The following YLPM1 variants were observed in gnomAD, a reference collection of about 807,000 sequenced individuals.
The protein encoded by YLPM1 is YLP motif-containing protein 1.
A neutral mutation model predicts 230.0 loss-of-function variants in YLPM1; 99 were observed. The ratio of observed to expected loss-of-function variants is 0.43; its 90% CI spans 0.37 to 0.51. The LOEUF is 0.51. Ranked by LOEUF, YLPM1 falls within the 20% of genes least tolerant of loss-of-function variation. The pLI, the probability that YLPM1 is intolerant of heterozygous loss-of-function variation, is 0.00. For synonymous variants in YLPM1, 984 were observed against 942.5 expected, an observed-to-expected ratio of 1.04 and a Z score of -0.81; for missense variants, 2,592 against 2,707.7, an observed-to-expected ratio of 0.96 and a Z score of 0.95.
chr14:74,784,672 G>A (rs1253431899), intron 4 of YLPM1, among the ~76,000 whole-genome samples: 1 of 152,198 alleles, frequency 6.6e-6, no homozygotes, highest in Non-Finnish European at 1.5e-5. Flanking sequence ...ACCTAAATGT[G>A]ATTCTTTAAC....
chr14:74,829,351 A>G lies in YLPM1; in HGVS notation c.6294+8A>G. On this transcript the variant is annotated splice_region_variant and intron_variant, in intron 19 of 20. Coordinates refer to ENST00000325680, the MANE Select transcript of YLPM1 (RefSeq NM_019589.3). ...GAGCCTGGGAAGAAGAGGGTAAGAGACTTTGTCAATAACTGCCAACAAATG... is the reference window on the plus strand; with the variant it reads ...GAGCCTGGGAAGAAGAGGGTAAGAGGCTTTGTCAATAACTGCCAACAAATG... 1 of 1,612,392 alleles carries G rather than the reference A, an allele frequency of 6.2e-7. No homozygotes were observed. Among genetic ancestry groups the G allele is most frequent in the Non-Finnish European group, 8.5e-7 (1 of 1,178,832 alleles).
In YLPM1 at chr14:74,774,345, G is replaced by A. The variant is rs557812709; in HGVS notation, c.874-4102G>A. On this transcript the variant is annotated intron_variant, in intron 1 of 20. Coordinates refer to ENST00000325680, the MANE Select transcript of YLPM1 (RefSeq NM_019589.3). Reference sequence around the variant, plus strand: ...CCTCCTGGGTTCAAGCGAGTCTCCCGTCTCAGCCTCCCAAGTAGCTGGGAT... The same window carrying A: ...CCTCCTGGGTTCAAGCGAGTCTCCCATCTCAGCCTCCCAAGTAGCTGGGAT... 1.8e-4 allele frequency among the ~76,000 whole-genome samples: 28 copies of A among 152,264 alleles called. No homozygotes were observed. The East Asian group carries it at 4.8e-3, about 26-fold the overall frequency.
At chr14:74,830,061 G>A (rs1360931021) in intron 19 of YLPM1, among the ~76,000 whole-genome samples, 6 of 152,174 alleles carry the variant, frequency 3.9e-5, no homozygotes, top group Non-Finnish European at 8.8e-5. Flanking sequence ...AGATAGAGGT[G>A]TTTCAAGAAG....
At position 74,816,616 on chromosome 14, in the gene YLPM1, C is replaced by T; in HGVS notation, c.5611C>T (p.Leu1871=). 1 of 1,613,624 alleles carries T rather than the reference C, an allele frequency of 6.2e-7. No homozygotes were observed. The highest frequency in any genetic ancestry group is 2.2e-5 in the East Asian group (1 of 44,842). Residue 1871 remains leucine, a synonymous_variant, in exon 13 of 21, where the codon CTG becomes TTG. Transcript: ENST00000325680. ...FGGPAPRVLS[L]DDYFITEVEK... ...AGGACCTGCACCCAGAGTTCTAAGCCTGGATGATTACTTCATCACTGAAGT... is the reference window on the plus strand; with the variant it reads ...AGGACCTGCACCCAGAGTTCTAAGCTTGGATGATTACTTCATCACTGAAGT...
intron 4 of YLPM1, among the ~76,000 whole-genome samples, chr14:74,793,832 G>A (rs929955421): frequency 2.2e-4 from 34 of 152,270 alleles, no homozygotes; most frequent in Middle Eastern, 3.4e-3. Flanking sequence ...AAGGCTGGTT[G>A]ATGGTTCCGA....
At chr14:74,816,739 A>G in intron 13 of YLPM1, 49 bp downstream of exon 13, 1 of 1,554,136 alleles carries the variant, frequency 6.4e-7, no homozygotes, top group Non-Finnish European at 8.7e-7. Context: ...TAGTATTTAA[A>G]GGAAAATGTG....
At position 74,782,102 on chromosome 14, in the gene YLPM1, C is replaced by T; in HGVS notation, c.2059C>T (p.Pro687Ser). ...FGSAPPTTYH[P>S]PLQSAGPSEQ... ...TTCTGCCCCACCGACAACTTACCAT[C>T]CTCCGTTGCAATCAGCTGGTCCATC... is the stretch of plus-strand genomic sequence containing the variant. The change falls in exon 4 of 21, where the codon CCT becomes TCT. Residue 687 changes from proline (P) to serine (S), a missense_variant. Physicochemically the swap from Pro to Ser is moderately conservative, Grantham distance 74 (BLOSUM62 -1). This residue lies in a region of YLPM1 where 1,862 missense variants were observed against 1,819.8 expected (regional missense o/e 1.02). Transcript: ENST00000325680. 4 of 1,614,028 alleles carry T rather than the reference C, an allele frequency of 2.5e-6. No homozygotes were observed. Among genetic ancestry groups the T allele is most frequent in the South Asian group, 1.1e-5 (1 of 91,082 alleles).
At chr14:74,768,174 A>C (rs1376829423) in intron 1 of YLPM1, among the ~76,000 whole-genome samples, 2 of 152,206 alleles carry the variant, frequency 1.3e-5, no homozygotes, top group Non-Finnish European at 2.9e-5. Context: ...AGGAAGGACA[A>C]GATAAATACT....
chr14:74,775,459 A>G (rs920472737), intron 1 of YLPM1, among the ~76,000 whole-genome samples: 23 of 152,212 alleles, frequency 1.5e-4, no homozygotes, highest in African/African-American at 5.5e-4. Context: ...ATAAAATATT[A>G]ACAGTGTAGG....
chr14:74,801,752 T>C (rs1194923681), intron 5 of YLPM1, among the ~76,000 whole-genome samples: 2 of 152,252 alleles, frequency 1.3e-5, no homozygotes, highest in Admixed American at 6.5e-5. Context: ...AATGTAGGCC[T>C]GGTGTTACCA....
chr14:74,790,177 AG>A (rs2091192060), intron 4 of YLPM1, among the ~76,000 whole-genome samples: 2 of 152,206 alleles, frequency 1.3e-5, no homozygotes, highest in South Asian at 2.1e-4. Flanking sequence ...GACTGGCTTT[AG>A]GATTGGAATT....
chr14:74,773,163 C>A (rs1057057912), intron 1 of YLPM1, among the ~76,000 whole-genome samples: 1 of 152,220 alleles, frequency 6.6e-6, no homozygotes, highest in Non-Finnish European at 1.5e-5. Flanking sequence ...TGGCGGGCGC[C>A]TGTAGTCCCA....
rs2091282580 is a variant in YLPM1 at position 74,798,124 on chromosome 14, C to T, written c.2827C>T (p.Gln943Ter). Residue 943 changes from glutamine to a stop codon, truncating the protein, a stop_gained, in exon 5 of 21, where the codon CAG becomes TAG. Transcript: ENST00000325680. LOFTEE classifies it high-confidence loss of function. ...AATCGACAAAGCCCAAGCTGTTACT[C>T]AGCCTGTACCCCTTGCGAATAAGCC... is the stretch of plus-strand genomic sequence containing the variant. ...TQIDKAQAVT[Q>*]PVPLANKPVP... is the part of the protein sequence containing the mutation. The T allele has an allele frequency of 6.2e-7, 1 of 1,613,988 alleles. No homozygotes were observed.
Position 74,799,273 on chromosome 14 carries a change from C to T in YLPM1, c.3976C>T (p.Arg1326Trp), listed in dbSNP as rs557113841. ...LDEQESQFRE[R>W]DIPSLPPLPP... Reference sequence around the variant, plus strand: ...TGAACAAGAATCACAGTTTCGTGAACGGGATATTCCATCTCTTCCACCTTT... The same window carrying T: ...TGAACAAGAATCACAGTTTCGTGAATGGGATATTCCATCTCTTCCACCTTT... Residue 1326 changes from arginine (R) to tryptophan (W), a missense_variant, in exon 5 of 21, where the codon CGG becomes TGG. Physicochemically the swap from Arg to Trp is moderately radical, Grantham distance 101. Around this residue, in one of 4 missense-constraint regions of YLPM1, gnomAD observed 1,862 missense variants for 1,819.8 expected, o/e 1.02. Transcript: ENST00000325680. 2.3e-5 allele frequency: 37 copies of T among 1,613,842 alleles called. No homozygotes were observed. The highest frequency in any genetic ancestry group is 1.6e-4 in the Middle Eastern group (1 of 6,084).
chr14:74,773,447 A>G (rs542137341), intron 1 of YLPM1, among the ~76,000 whole-genome samples: 240 of 152,360 alleles, frequency 1.6e-3, no homozygotes, highest in South Asian at 2.7e-3. Context: ...TACAGTTTTC[A>G]TTCTGTACAG....
Position 74,798,604 on chromosome 14 carries a change from A to C in YLPM1, c.3307A>C (p.Arg1103=). ...AGGTGGTCTTCAAGGGAGCCAGGAC[A>C]GGGGTGCAGCTGGCAGCCGAGAAAG... ...VPGGLQGSQD[R]GAAGSRERGP... The change falls in exon 5 of 21, where the codon AGG becomes CGG. Residue 1103 remains arginine, a synonymous_variant. Coordinates refer to ENST00000325680, the MANE Select transcript of YLPM1 (RefSeq NM_019589.3). 1 of 1,612,870 alleles carries C rather than the reference A, an allele frequency of 6.2e-7. No individual in the cohort carries two copies. The highest frequency in any genetic ancestry group is 8.5e-7 in the Non-Finnish European group (1 of 1,179,192).
At chr14:74,820,692 A>T (rs1218073190) in intron 16 of YLPM1, among the ~76,000 whole-genome samples, 1 of 152,096 alleles carries the variant, frequency 6.6e-6, no homozygotes, top group Non-Finnish European at 1.5e-5. Context: ...TTTTCACTAT[A>T]CTTTTTCTTA....
intron 11 of YLPM1, among the ~76,000 whole-genome samples, chr14:74,815,255 A>G (rs902610913): frequency 9.2e-5 from 14 of 152,102 alleles, no homozygotes; most frequent in Non-Finnish European, 1.2e-4. Flanking sequence ...AGCCTAGGTA[A>G]GAGTTCATCA....
intron 11 of YLPM1, among the ~76,000 whole-genome samples, chr14:74,813,034 G>A (rs2091449240): frequency 2.0e-5 from 3 of 152,192 alleles, no homozygotes. Flanking sequence ...TCAATTAATT[G>A]CGCGTTGAAG....
Sources: gnomAD v4.1 joint callset for allele counts (sites outside exome capture counted in the v4.1 genomes callset) on GRCh38, gnomAD v4.1.1 for gene constraint, gnomAD v4.1.1 regional missense constraint, MANE v1.5 for transcripts, NCBI Gene and HGNC (gene_info 2026-07-23, HGNC 2026-07-21) for gene names.